Variants in SHC2 observed in about 807,000 individuals in gnomAD.
The protein encoded by SHC2 is SHC adaptor protein 2, also known as SHC-transforming protein 2.
SHC2 carries 62 observed loss-of-function variants against 60.6 expected under a neutral mutation model. The ratio of observed to expected loss-of-function variants is 1.02; its 90% CI spans 0.83 to 1.26. The LOEUF is 1.26. SHC2 is among the 50% of genes most tolerant of loss of function. The pLI is 0.00. For synonymous variants in SHC2, 375 were observed against 372.4 expected (o/e 1.01, Z -0.08); for missense variants, 873 against 822.2 (o/e 1.06, Z -0.76).
At chr19:454,771 C>G (rs1975294372) in intron 1 of SHC2, among the ~76,000 whole-genome samples, 1 of 148,182 alleles carries the variant, frequency 6.7e-6, no homozygotes, top group African/African-American at 2.5e-5. Context: ...GCCTCAGCAA[C>G]AAGAGGGAAA....
chr19:460,522 G>A lies in SHC2; in HGVS notation c.468+7C>T. On this transcript the variant is annotated splice_region_variant and intron_variant, in intron 1 of 12. Coordinates refer to ENST00000264554, the MANE Select transcript of SHC2 (RefSeq NM_012435.3). ...ACGGGCTCCCGGGGGGGGTGGGGGG[G>A]ACTCACCCGCACGACGTAGGAGACC... is the stretch of plus-strand genomic sequence containing the variant. The A allele has an allele frequency of 2.0e-6, 2 of 983,144 alleles. No homozygotes were observed. The highest frequency in any genetic ancestry group is 4.6e-5 in the Admixed American group (1 of 21,614). 60.9% of individuals were successfully genotyped at this position (983,144 alleles called of 1,614,324 possible).
intron 8 of SHC2, among the ~76,000 whole-genome samples, 183 bp downstream of exon 8, chr19:434,524 GAT>G: frequency 2.2e-5 from 1 of 45,886 alleles, no homozygotes; most frequent in Admixed American, 2.3e-4. Flanking sequence ...GAGCCTGTGA[GAT>G]TGTGAGTGAG....
At position 422,138 on chromosome 19, in the gene SHC2, C is replaced by T. The variant is rs755161230; in HGVS notation, c.1620+8G>A. The T allele has an allele frequency of 6.3e-7, 1 of 1,595,288 alleles. No individual in the cohort carries two copies. Among genetic ancestry groups the T allele is most frequent in the Admixed American group, 1.7e-5 (1 of 58,814 alleles). ...GCCCCGAGACCCTCCCACCTGTGCA[C>T]AGCTTACCACGCCCTCGGGGTCCAC... On this transcript the variant is annotated splice_region_variant and intron_variant, in intron 11 of 12. Coordinates refer to ENST00000264554, the MANE Select transcript of SHC2 (RefSeq NM_012435.3). This position sits in a 1 kb window ranked among gnomAD's most constrained non-coding sequence, Gnocchi z 5.0.
intron 12 of SHC2, among the ~76,000 whole-genome samples, chr19:418,180 G>T (rs1974195841): frequency 6.6e-6 from 1 of 152,136 alleles, no homozygotes; most frequent in African/African-American, 2.4e-5. Flanking sequence ...CCTGAGGTAT[G>T]GTCTTCTCAC....
In SHC2 at chr19:440,944, G is replaced by A; in HGVS notation, c.469-12C>T. On this transcript the variant is annotated splice_polypyrimidine_tract_variant and intron_variant, in intron 1 of 12. Transcript: ENST00000264554. The surrounding 1 kb of genome is among the most constrained non-coding windows in gnomAD (Gnocchi z 7.0). ...ATGCAGCCCATGTACTGAGGGGAGAGAACAGGTGTCAGATGCCATCGGAAC... is the reference window on the plus strand; with the variant it reads ...ATGCAGCCCATGTACTGAGGGGAGAAAACAGGTGTCAGATGCCATCGGAAC... The A allele has an allele frequency of 1.2e-6, 2 of 1,611,208 alleles. No individual in the cohort carries two copies. Among genetic ancestry groups the A allele is most frequent in the Non-Finnish European group, 1.7e-6 (2 of 1,178,342 alleles).
chr19:454,618 C>G (rs1975288644), intron 1 of SHC2, among the ~76,000 whole-genome samples: 1 of 152,230 alleles, frequency 6.6e-6, no homozygotes, highest in Non-Finnish European at 1.5e-5. Context: ...GAAACCCCAT[C>G]TCTACTGAAA....
intron 1 of SHC2, among the ~76,000 whole-genome samples, chr19:450,313 G>A (rs112424370): frequency 4.0e-4 from 61 of 152,338 alleles, no homozygotes; most frequent in South Asian, 2.1e-4. Flanking sequence ...AGAGAGTGGC[G>A]CGTTTTCGTG....
chr19:447,999 G>C (rs1208602904), intron 1 of SHC2, among the ~76,000 whole-genome samples: 3 of 152,248 alleles, frequency 2.0e-5, no homozygotes, highest in Non-Finnish European at 2.9e-5. Context: ...TCACGTTCCA[G>C]GGAAGGAAGA....
At chr19:448,964 G>A (rs1284202061) in intron 1 of SHC2, among the ~76,000 whole-genome samples, 1 of 151,356 alleles carries the variant, frequency 6.6e-6, no homozygotes, top group Non-Finnish European at 1.5e-5. Context: ...ACCAGCCTGG[G>A]CAACATGGTG....
At chr19:418,743 G>A (rs752381126) in intron 12 of SHC2, among the ~76,000 whole-genome samples, 180 bp downstream of exon 12, 23 of 152,026 alleles carry the variant, frequency 1.5e-4, no homozygotes, top group African/African-American at 3.6e-4. Context: ...GGCTTCTTTC[G>A]GGGCTGACAG....
chr19:425,857 C>T lies in SHC2; in HGVS notation c.1175-626G>A, dbSNP rs1974403198. 6.6e-6 allele frequency among the ~76,000 whole-genome samples: 1 copy of T among 151,798 alleles called. No homozygotes were observed. The highest frequency in any genetic ancestry group is 6.6e-5 in the Admixed American group (1 of 15,232). ...CAGCCTGGCCAACATGGTGAAACCC[C>T]GTCTCTACTAAAAATGCAAAAATTA... On this transcript the variant is annotated intron_variant, in intron 9 of 12. Transcript: ENST00000264554. The surrounding 1 kb of genome is among the most constrained non-coding windows in gnomAD (Gnocchi z 4.1).
chr19:427,957 A>C (rs949152168), intron 9 of SHC2, among the ~76,000 whole-genome samples: 1 of 150,958 alleles, frequency 6.6e-6, no homozygotes, highest in African/African-American at 2.4e-5. Flanking sequence ...GGCACAGGGG[A>C]GGGGACGGCA....
chr19:457,549 G>A (rs1189430192), intron 1 of SHC2, among the ~76,000 whole-genome samples: 1 of 152,044 alleles, frequency 6.6e-6, no homozygotes, highest in African/African-American at 2.4e-5. Flanking sequence ...GTCCTCTTCT[G>A]ATTGACTGTC....
chr19:441,027 T>A lies in SHC2; in HGVS notation c.469-95A>T, dbSNP rs73916980. The A allele has an allele frequency of 0.013, 20,138 of 1,533,630 alleles. 2,155 individuals carry two copies. The African/African-American group carries it at 0.23, about 18-fold the overall frequency. On this transcript the variant is annotated intron_variant, in intron 1 of 12. Coordinates refer to ENST00000264554, the MANE Select transcript of SHC2 (RefSeq NM_012435.3). This position sits in a 1 kb window ranked among gnomAD's most constrained non-coding sequence, Gnocchi z 4.9. The stretch of plus-strand genomic sequence containing the variant: ...AGCCCTTCGCCGCCTCCACCACCCC[T>A]GGGGTCGAGCCCTTTCCTCTGTCCC...
chr19:434,970 C>A, intron 7 of SHC2, 105 bp from the exon 8 acceptor site: 1 of 1,230,456 alleles, frequency 8.1e-7, no homozygotes, highest in African/African-American at 1.5e-5. Flanking sequence ...GTTCGAATCC[C>A]AGCCCCCCAC....
rs1386895374 is a variant in SHC2, at chr19:458,798, CTGGGGAGGCGGAAGCGGGTCT to C, written c.468+1710_468+1730del. On this transcript the variant is annotated intron_variant, in intron 1 of 12. Coordinates refer to ENST00000264554, the MANE Select transcript of SHC2 (RefSeq NM_012435.3). ...GGTTCCGGGGAGGCGGAAGCGGGTCCTGGGGAGGCGGAAGCGGGTCTTGGGGAGGCGGAAGAGGGTTCCGGG... is the reference window on the plus strand; with the variant it reads ...GGTTCCGGGGAGGCGGAAGCGGGTCCTGGGGAGGCGGAAGAGGGTTCCGGG... 6.0e-4 allele frequency among the ~76,000 whole-genome samples: 84 copies of C among 140,916 alleles called. 1 individual carries two copies. The East Asian group carries it at 8.6e-3, about 14-fold the overall frequency. The allele number at this position is 140,916 out of a possible 152,430, so 92.4% of individuals were successfully genotyped here.
chr19:417,835 G>A (rs1469050238), intron 12 of SHC2, among the ~76,000 whole-genome samples: 2 of 152,100 alleles, frequency 1.3e-5, no homozygotes, highest in African/African-American at 2.4e-5. Flanking sequence ...CTGGGTGGAG[G>A]CCGCGGCCGC....
Position 422,160 on chromosome 19 carries a change from C to G in SHC2, c.1606G>C (p.Asp536His), listed in dbSNP as rs774709575. The G allele has an allele frequency of 3.5e-5, 57 of 1,609,750 alleles. 1 individual carries two copies. In the South Asian group the frequency reaches 6.2e-4, roughly 17 times the overall value. ...GCACAGCTTACCACGCCCTCGGGGT[C>G]CACGAGCAGCAGGTGCTTGGGCTGC... ...AGQPKHLLLVDPEGVVRTKDV... is the reference protein window; with the variant it reads ...AGQPKHLLLVHPEGVVRTKDV... The change falls in exon 11 of 13, where the codon GAC (aspartate) becomes CAC (histidine). Residue 536 changes from aspartate to histidine, a missense_variant. Physicochemically the swap from Asp to His is moderately conservative, Grantham distance 81. Transcript: ENST00000264554. This position sits in a 1 kb window ranked among gnomAD's most constrained non-coding sequence, Gnocchi z 5.0.
intron 1 of SHC2, among the ~76,000 whole-genome samples, chr19:459,415 G>A (rs868519345): frequency 1.9e-4 from 28 of 147,076 alleles, no homozygotes; most frequent in African/African-American, 6.4e-4. Flanking sequence ...ACTGAACCCA[G>A]CGTAGGGGGA....
Sources: gnomAD v4.1 joint callset for allele counts (sites outside exome capture counted in the v4.1 genomes callset) on GRCh38, gnomAD v4.1.1 for gene constraint, Gnocchi (gnomAD v3.1) non-coding constraint, MANE v1.5 for transcripts, NCBI Gene and HGNC (gene_info 2026-07-23, HGNC 2026-07-21) for gene names.